The following MYO5B variants were observed in gnomAD, a reference collection of about 807,000 sequenced individuals.
MYO5B encodes the protein unconventional myosin-Vb.
MYO5B carries 143 observed loss-of-function variants against 229.3 expected under a neutral mutation model. That is an observed-to-expected ratio of 0.62 (90% CI 0.54 to 0.72). MYO5B has a LOEUF of 0.72. Ranked by LOEUF, MYO5B falls within the 30% of genes least tolerant of loss-of-function variation. The pLI is 0.00. For synonymous variants in MYO5B, 918 were observed against 885.2 expected, an observed-to-expected ratio of 1.04 and a Z score of -0.66; for missense variants, 2,321 against 2,331.0, an observed-to-expected ratio of 1.00 and a Z score of 0.09.
Position 50,049,751 on chromosome 18 carries a change from G to C in MYO5B, c.138+5517C>G, listed in dbSNP as rs118181557. ...ATTGCCAAATGTTCGGGGCAGGGGT[G>C]CAAGTTGCTGCCCCACTCATCTCTA... On this transcript the variant is annotated intron_variant, in intron 2 of 39. Transcript: ENST00000285039. 6.0e-4 allele frequency among the ~76,000 whole-genome samples: 92 copies of C among 152,292 alleles called. No homozygotes were observed. In the East Asian group the frequency reaches 8.9e-3, roughly 15 times the overall value.
At chr18:49,975,812 C>T (rs188239837) in intron 9 of MYO5B, among the ~76,000 whole-genome samples, 184 of 152,298 alleles carry the variant, frequency 1.2e-3, no homozygotes, top group African/African-American at 3.8e-3. Flanking sequence ...GCTTCTACCA[C>T]GGTCCTGCCC....
chr18:50,047,353 T>C (rs968374761), intron 2 of MYO5B, among the ~76,000 whole-genome samples: 30 of 152,240 alleles, frequency 2.0e-4, no homozygotes, highest in African/African-American at 7.0e-4. Context: ...TCACCATCAC[T>C]GGCCATCAGA....
In MYO5B at chr18:50,055,268, C is replaced by G. The variant is rs201403876; in HGVS notation, c.138G>C (p.Thr46=). ...CCCCCTGCCCCGGACTCACTCTTAC[C>G]GTTTCATCCTCCAGTCTGAGCTGTA... ...KSLQLRLEDE[T]ILEYPIDVQR... is the part of the protein sequence containing the mutation. Residue 46 remains threonine, a splice_region_variant and synonymous_variant, in exon 2 of 40, where the codon ACG becomes ACC. Coordinates refer to ENST00000285039, the MANE Select transcript of MYO5B (RefSeq NM_001080467.3). The G allele has an allele frequency of 1.4e-5, 19 of 1,400,834 alleles. No homozygotes were observed. Among genetic ancestry groups the G allele is most frequent in the East Asian group, 2.8e-5 (1 of 35,366 alleles). The allele number at this position is 1,400,834 out of a possible 1,614,324, so 86.8% of individuals were successfully genotyped here. A position where few individuals can be genotyped will look rare whatever the true frequency, so the allele number is the denominator to read the frequency against.
chr18:50,056,975 T>C (rs544552503), intron 1 of MYO5B, among the ~76,000 whole-genome samples: 77 of 152,350 alleles, frequency 5.1e-4, no homozygotes, highest in African/African-American at 1.8e-3. Context: ...TTCTCCCTGC[T>C]TCTTAAGCCT....
At chr18:50,168,598 A>C in intron 1 of MYO5B, among the ~76,000 whole-genome samples, 1 of 129,670 alleles carries the variant, frequency 7.7e-6, no homozygotes, top group Non-Finnish European at 1.7e-5. Context: ...GACAGAGGGG[A>C]GGGTCTCCAG....
At chr18:50,047,486 T>C (rs931305185) in intron 2 of MYO5B, among the ~76,000 whole-genome samples, 6 of 152,182 alleles carry the variant, frequency 3.9e-5, no homozygotes, top group African/African-American at 7.2e-5. Context: ...TTTTACACTG[T>C]TGGTGGTACT....
Position 49,843,328 on chromosome 18 carries a change from G to T in MYO5B, c.4524C>A (p.Cys1508Ter). ...CGTTGGTGTAGTCCGCGTGCCGGAT[G>T]CACATGTAGAGGATGTAGGCGGGGA... ...PCLPAYILYM[C>*]IRHADYTNDD... The change falls in exon 34 of 40, where the codon TGC becomes TGA. Residue 1508 changes from cysteine to a stop codon, truncating the protein, a stop_gained. Transcript: ENST00000285039. LOFTEE classifies it high-confidence loss of function. 2 of 1,614,130 alleles carry T rather than the reference G, an allele frequency of 1.2e-6. No homozygotes were observed. The highest frequency in any genetic ancestry group is 1.7e-6 in the Non-Finnish European group (2 of 1,180,006).
intron 22 of MYO5B, among the ~76,000 whole-genome samples, chr18:49,890,509 T>C (rs1192168866): frequency 6.6e-6 from 1 of 152,236 alleles, no homozygotes; most frequent in East Asian, 1.9e-4. Context: ...ACAGTACCTA[T>C]ATTAAGTTAA....
chr18:50,084,595 C>A (rs569846525), intron 1 of MYO5B, among the ~76,000 whole-genome samples: 1 of 152,090 alleles, frequency 6.6e-6, no homozygotes, highest in Non-Finnish European at 1.5e-5. Flanking sequence ...GGGAAGAGCC[C>A]GCATCGCCAT....
At chr18:50,049,640 A>G (rs1398223941) in intron 2 of MYO5B, among the ~76,000 whole-genome samples, 1 of 152,202 alleles carries the variant, frequency 6.6e-6, no homozygotes, top group East Asian at 1.9e-4. Context: ...CACCTTGTGC[A>G]TTACGGAGCA....
intron 5 of MYO5B, among the ~76,000 whole-genome samples, chr18:49,996,976 C>T (rs1443594357): frequency 6.6e-6 from 1 of 152,114 alleles, no homozygotes. Flanking sequence ...TTCTTCTTTG[C>T]CCTAAAAAGC....
chr18:49,836,943 G>T, intron 37 of MYO5B, 58 bp from the exon 38 acceptor site: 1 of 1,555,078 alleles, frequency 6.4e-7, no homozygotes, highest in South Asian at 1.1e-5. Flanking sequence ...TCACTGAGAA[G>T]GGGACACCTG....
chr18:50,165,870 G>T (rs2032844237), intron 1 of MYO5B, among the ~76,000 whole-genome samples: 1 of 152,186 alleles, frequency 6.6e-6, no homozygotes, highest in South Asian at 2.1e-4. Flanking sequence ...GAAAACCAGG[G>T]CTAGATTTTC....
At chr18:50,064,614 C>T (rs776961923) in intron 1 of MYO5B, among the ~76,000 whole-genome samples, 5 of 152,206 alleles carry the variant, frequency 3.3e-5, no homozygotes, top group Non-Finnish European at 7.3e-5. Flanking sequence ...AAATCCATTT[C>T]TGATTCTATC....
intron 14 of MYO5B, among the ~76,000 whole-genome samples, chr18:49,937,807 G>T (rs1253689728): frequency 6.6e-6 from 1 of 152,020 alleles, no homozygotes; most frequent in Non-Finnish European, 1.5e-5. Flanking sequence ...TGGTTGCTAG[G>T]GGTTGGGGGA....
intron 21 of MYO5B, among the ~76,000 whole-genome samples, chr18:49,896,556 C>T (rs938919523): frequency 6.6e-6 from 1 of 152,088 alleles, no homozygotes; most frequent in African/African-American, 2.4e-5. Context: ...GAGGTTTGGC[C>T]CAGCTGCTCT....
intron 2 of MYO5B, among the ~76,000 whole-genome samples, chr18:50,052,420 T>C (rs926446238): frequency 1.8e-4 from 26 of 148,322 alleles, no homozygotes; most frequent in Non-Finnish European, 8.9e-5. Flanking sequence ...ATGGATGAAA[T>C]TGGAAATCAT....
intron 4 of MYO5B, among the ~76,000 whole-genome samples, chr18:50,022,575 T>C (rs956512854): frequency 6.6e-6 from 1 of 152,198 alleles, no homozygotes; most frequent in African/African-American, 2.4e-5. Flanking sequence ...AACAGGATTT[T>C]TGGTTCTCAT....
At chr18:49,869,096 A>T (rs936157800) in intron 27 of MYO5B, among the ~76,000 whole-genome samples, 15 of 151,958 alleles carry the variant, frequency 9.9e-5, no homozygotes, top group African/African-American at 3.4e-4. Context: ...AGGTGTATCG[A>T]CTCATCATCT....
Sources: allele counts gnomAD v4.1 joint callset (sites outside exome capture counted in the v4.1 genomes callset), GRCh38; gene constraint gnomAD v4.1.1; transcripts MANE v1.5; gene names NCBI Gene and HGNC (gene_info 2026-07-23, HGNC 2026-07-21).